Variants in PRPF4 observed in about 807,000 individuals in gnomAD.
PRPF4 encodes the protein pre-mRNA splicing tri-snRNP complex factor PRPF4, also known as U4/U6 small nuclear ribonucleoprotein Prp4.
In PRPF4, 14 loss-of-function variants were observed where a neutral mutation model predicts 72.2. The ratio of observed to expected loss-of-function variants is 0.19; its 90% CI spans 0.13 to 0.30. The LOEUF (loss-of-function observed/expected upper bound fraction) is 0.30, where lower values mean the gene tolerates loss of function less well. Ranked by LOEUF, PRPF4 falls within the 10% of genes least tolerant of loss-of-function variation. The probability of loss-of-function intolerance (pLI) is 1.00; values close to 1 mark genes in which losing one functional copy is unlikely to be tolerated. For synonymous variants in PRPF4, 225 were observed against 232.2 expected (o/e 0.97, Z 0.28); for missense variants, 478 against 653.9 (o/e 0.73, Z 2.93).
chr9:113,278,397 A>G (rs1286410524), intron 2 of PRPF4, among the ~76,000 whole-genome samples: 2 of 152,262 alleles, frequency 1.3e-5, no homozygotes, highest in Non-Finnish European at 2.9e-5. Flanking sequence ...GTTTTTAAAC[A>G]TAACGTCACC....
chr9:113,286,371 A>T, intron 8 of PRPF4, 81 bp downstream of exon 8: 1 of 1,257,946 alleles, frequency 7.9e-7, no homozygotes, highest in Non-Finnish European at 1.2e-6. Flanking sequence ...TGACACTCAG[A>T]CCCCATACAC....
intron 10 of PRPF4, among the ~76,000 whole-genome samples, chr9:113,289,638 T>C (rs1832550949): frequency 6.6e-6 from 1 of 152,230 alleles, no homozygotes; most frequent in Non-Finnish European, 1.5e-5. Flanking sequence ...TTTATTTCCA[T>C]GTGCATAGTC....
In PRPF4 at chr9:113,283,498, C is replaced by T; in HGVS notation, c.654+16C>T. On this transcript the variant is annotated intron_variant, in intron 6 of 13. Transcript: ENST00000374198. The stretch of plus-strand genomic sequence containing the variant: ...GTCTCTCCGGGTAAGATGCTCCCAG[C>T]AATTGTCCCACATCTTAAAGGTTCT... 6.2e-7 allele frequency: 1 copy of T among 1,612,608 alleles called. No individual in the cohort carries two copies. The highest frequency in any genetic ancestry group is 8.5e-7 in the Non-Finnish European group (1 of 1,178,884).
At chr9:113,276,167 C>T (rs193148099) in intron 1 of PRPF4, among the ~76,000 whole-genome samples, 1 of 152,322 alleles carries the variant, frequency 6.6e-6, no homozygotes, top group Admixed American at 6.5e-5. Context: ...ACTTGTTATC[C>T]TTTAGCACCG....
intron 9 of PRPF4, among the ~76,000 whole-genome samples, 160 bp downstream of exon 9, chr9:113,286,988 G>T (rs1170576079): frequency 6.6e-6 from 1 of 152,094 alleles, no homozygotes; most frequent in Non-Finnish European, 1.5e-5. Flanking sequence ...GGAAATGGAG[G>T]TTGTGGTGAG....
At chr9:113,282,623 A>AT (rs775573445) in intron 3 of PRPF4, 23 bp from the exon 4 acceptor site, 1 of 1,304,698 alleles carries the variant, frequency 7.7e-7, no homozygotes, top group Non-Finnish European at 1.1e-6. Flanking sequence ...TTAAATTCTG[A>AT]TCTTTTTTTT....
At chr9:113,290,047 C>T (rs1832563098) in intron 10 of PRPF4, among the ~76,000 whole-genome samples, 1 of 151,992 alleles carries the variant, frequency 6.6e-6, no homozygotes, top group African/African-American at 2.4e-5. Flanking sequence ...TAGTGAAGCC[C>T]CATCTCTATG....
At chr9:113,279,305 C>T (rs938327576) in intron 3 of PRPF4, among the ~76,000 whole-genome samples, 174 bp downstream of exon 3, 1 of 151,930 alleles carries the variant, frequency 6.6e-6, no homozygotes, top group East Asian at 1.9e-4. Flanking sequence ...TTTTACCGCA[C>T]TATTAATGTT....
chr9:113,284,564 G>A (rs1832380517), intron 7 of PRPF4, among the ~76,000 whole-genome samples, 175 bp downstream of exon 7: 1 of 152,130 alleles, frequency 6.6e-6, no homozygotes, highest in African/African-American at 2.4e-5. Flanking sequence ...TGTAGCCTTG[G>A]TTTAGCCGTT....
intron 4 of PRPF4, 46 bp downstream of exon 4, chr9:113,282,779 G>T: frequency 7.0e-7 from 1 of 1,434,462 alleles, no homozygotes; most frequent in South Asian, 1.2e-5. Context: ...AAGGAAATGA[G>T]GGGATAGGTC....
intron 7 of PRPF4, among the ~76,000 whole-genome samples, chr9:113,285,486 C>T (rs1832414164): frequency 6.8e-6 from 1 of 147,996 alleles, no homozygotes; most frequent in Admixed American, 6.8e-5. Flanking sequence ...TCACGCCATT[C>T]TCCTACCTCA....
intron 4 of PRPF4, 84 bp from the exon 5 acceptor site, chr9:113,283,048 G>A (rs953223690): frequency 1.3e-6 from 2 of 1,593,318 alleles, no homozygotes; most frequent in African/African-American, 2.7e-5. Flanking sequence ...CCTTCCTTCT[G>A]GGCAGTTAAA....
chr9:113,279,208 G>GTCAA, intron 3 of PRPF4, 77 bp downstream of exon 3: 1 of 1,277,012 alleles, frequency 7.8e-7, no homozygotes, highest in Non-Finnish European at 1.1e-6. Flanking sequence ...TGATCATTTA[G>GTCAA]TTGAACTTTA....
chr9:113,288,051 T>C, intron 9 of PRPF4, 124 bp from the exon 10 acceptor site: 1 of 822,280 alleles, frequency 1.2e-6, no homozygotes, highest in Admixed American at 2.8e-5. Flanking sequence ...CAAAGTAGTT[T>C]ACAAGTGTAG....
chr9:113,283,022 T>A, intron 4 of PRPF4, 110 bp from the exon 5 acceptor site: 1 of 1,555,496 alleles, frequency 6.4e-7, no homozygotes. Context: ...TTTCATCCTA[T>A]TACCGAATGA....
chr9:113,283,194 T>A lies in PRPF4; in HGVS notation c.543T>A (p.Ala181=). The A allele has an allele frequency of 6.2e-7, 1 of 1,614,242 alleles. No homozygotes were observed. The highest frequency in any genetic ancestry group is 8.5e-7 in the Non-Finnish European group (1 of 1,180,042). Residue 181 remains alanine, a synonymous_variant, in exon 5 of 14, where the codon GCT becomes GCA. Transcript: ENST00000374198. ...TGAAGGTGGCAAGACTATGGATTGC[T>A]AATTATTCGTTGCCCAGGTAAAGAG... ...NSLKVARLWI[A]NYSLPRAMKR...
Position 113,291,871 on chromosome 9 carries a change from ATTACCTTT to A in PRPF4, c.*216_*223del. The A allele has an allele frequency of 3.7e-6, 2 of 533,686 alleles. No individual in the cohort carries two copies. The highest frequency in any genetic ancestry group is 6.6e-6 in the Non-Finnish European group (2 of 301,684). 33.1% of individuals were successfully genotyped at this position (533,686 alleles called of 1,614,324 possible). On this transcript the variant is annotated 3_prime_UTR_variant, in exon 14 of 14. Coordinates refer to ENST00000374198, the MANE Select transcript of PRPF4 (RefSeq NM_001244926.2). ...GAACCCCTCTCACGGTTGAAAATTTATTACCTTTTTACGCCCTGCCACGAACTGTGTAG... is the reference window on the plus strand; with the variant it reads ...GAACCCCTCTCACGGTTGAAAATTTATTACGCCCTGCCACGAACTGTGTAG...
Position 113,290,540 on chromosome 9 carries a change from G to C in PRPF4, c.1097G>C (p.Gly366Ala). The stretch of plus-strand genomic sequence containing the variant: ...CTGCATCAGGAAGGCCATAGCATGG[G>C]TGTGTATGACATTGCCTTCCATCAA... ...EILHQEGHSM[G>A]VYDIAFHQDG... Residue 366 changes from glycine (G) to alanine (A), a missense_variant, in exon 11 of 14, where the codon GGT becomes GCT. Physicochemically the swap from Gly to Ala is moderately conservative, Grantham distance 60. Coordinates refer to ENST00000374198, the MANE Select transcript of PRPF4 (RefSeq NM_001244926.2). The C allele has an allele frequency of 6.2e-7, 1 of 1,614,216 alleles. No individual in the cohort carries two copies. Among genetic ancestry groups the C allele is most frequent in the Non-Finnish European group, 8.5e-7 (1 of 1,180,040 alleles).
intron 10 of PRPF4, among the ~76,000 whole-genome samples, chr9:113,289,131 G>A (rs1183278236): frequency 6.6e-6 from 1 of 152,162 alleles, no homozygotes; most frequent in Non-Finnish European, 1.5e-5. Context: ...TTCATTTGTG[G>A]CAGGCTTCTT....
Sources: allele counts gnomAD v4.1 joint callset (sites outside exome capture counted in the v4.1 genomes callset), GRCh38; gene constraint gnomAD v4.1.1; transcripts MANE v1.5; gene names NCBI Gene and HGNC (gene_info 2026-07-23, HGNC 2026-07-21).